Variants in STAU1 observed in about 807,000 individuals in gnomAD.
The protein encoded by STAU1 is staufen double-stranded RNA binding protein 1, also known as double-stranded RNA-binding protein Staufen homolog 1.
A neutral mutation model predicts 62.9 loss-of-function variants in STAU1; 13 were observed. The ratio of observed to expected loss-of-function variants is 0.21; its 90% confidence interval spans 0.13 to 0.33. The LOEUF is 0.33. Among genes scored for constraint, STAU1 ranks in the 10% least tolerant of loss-of-function variants. The pLI is 1.00. For missense variants in STAU1, 571 were observed against 712.1 expected (o/e 0.80, Z 2.25); for synonymous variants, 269 against 265.1 (o/e 1.01, Z -0.14).
At chr20:49,183,427 G>T (rs367545372) in intron 1 of STAU1, among the ~76,000 whole-genome samples, 2 of 152,314 alleles carry the variant, frequency 1.3e-5, no homozygotes. Context: ...AGGCTGAGGT[G>T]GGAAGATGAC....
At chr20:49,122,343 C>A (rs1159881406) in intron 8 of STAU1, among the ~76,000 whole-genome samples, 3 of 152,206 alleles carry the variant, frequency 2.0e-5, no homozygotes, top group Admixed American at 6.5e-5. Flanking sequence ...ATACTACTTA[C>A]AAAATTTACC....
At chr20:49,170,068 C>A (rs983224138) in intron 2 of STAU1, among the ~76,000 whole-genome samples, 1 of 152,076 alleles carries the variant, frequency 6.6e-6, no homozygotes, top group Non-Finnish European at 1.5e-5. Flanking sequence ...GGCACATGAG[C>A]GCTACGAAAG....
At chr20:49,172,914 G>T (rs2093615124) in intron 2 of STAU1, among the ~76,000 whole-genome samples, 2 of 150,682 alleles carry the variant, frequency 1.3e-5, no homozygotes, top group South Asian at 4.2e-4. Context: ...GTCTCGCTGT[G>T]TTGCCCAGGC....
At chr20:49,150,401 CCT>C (rs2093223340) in intron 5 of STAU1, among the ~76,000 whole-genome samples, 1 of 151,558 alleles carries the variant, frequency 6.6e-6, no homozygotes, top group Non-Finnish European at 1.5e-5. Context: ...TCGCTCTGTC[CCT>C]GAGGCTGGAG....
the STAU1 span, among the ~76,000 whole-genome samples, chr20:49,195,910 A>AG: frequency 2.2e-4 from 20 of 91,008 alleles, no homozygotes; most frequent in African/African-American, 5.7e-4. Context: ...AAAAAAAAAA[A>AG]AAAAAAAGAA....
chr20:49,142,468 G>A (rs769035329), intron 5 of STAU1, among the ~76,000 whole-genome samples: 5 of 152,050 alleles, frequency 3.3e-5, no homozygotes, highest in African/African-American at 1.2e-4. Context: ...AAGGTTCCAC[G>A]TAAGACTGAT....
chr20:49,217,693 A>ATATATATT, the STAU1 span, among the ~76,000 whole-genome samples: 2 of 143,884 alleles, frequency 1.4e-5, no homozygotes, highest in Non-Finnish European at 3.0e-5. Context: ...ATATATATAT[A>ATATATATT]TTTTTAGGCC....
At chr20:49,195,535 C>CACA in the STAU1 span, among the ~76,000 whole-genome samples, 1 of 38,146 alleles carries the variant, frequency 2.6e-5, no homozygotes, top group Non-Finnish European at 3.9e-5. Context: ...GACTCCGTCT[C>CACA]AAAAAAAAAA....
intron 2 of STAU1, among the ~76,000 whole-genome samples, chr20:49,169,358 A>C (rs1421336761): frequency 6.6e-6 from 1 of 152,196 alleles, no homozygotes. Flanking sequence ...CACATAACTC[A>C]AGGAACAAAT....
chr20:49,145,317 G>C lies in STAU1; in HGVS notation c.510+6265C>G, dbSNP rs567933744. ...CACGCACCTGTAGTCCCAGCTACTT[G>C]GGAGGCTGAGGCAGAAGAATTGCTT... On this transcript the variant is annotated intron_variant, in intron 5 of 13. Transcript: ENST00000371856. Among the ~76,000 whole-genome samples the C allele has an allele frequency of 1.6e-3, 242 of 149,186 alleles. 1 individual carries two copies. Among genetic ancestry groups the C allele is most frequent in the African/African-American group, 5.2e-3 (211 of 40,694 alleles).
At chr20:49,126,743 C>T (rs1600641822) in intron 6 of STAU1, among the ~76,000 whole-genome samples, 1 of 151,804 alleles carries the variant, frequency 6.6e-6, no homozygotes, top group South Asian at 2.1e-4. Context: ...ATCAACAGAA[C>T]AGCACGAAAA....
At chr20:49,160,254 G>A (rs543441771) in intron 3 of STAU1, among the ~76,000 whole-genome samples, 1 of 152,318 alleles carries the variant, frequency 6.6e-6, no homozygotes, top group South Asian at 2.1e-4. Flanking sequence ...ATTATGCTAC[G>A]GTGACTATTC....
intron 5 of STAU1, among the ~76,000 whole-genome samples, chr20:49,148,140 G>A (rs1196594456): frequency 1.3e-5 from 2 of 152,126 alleles, no homozygotes; most frequent in East Asian, 1.9e-4. Flanking sequence ...GCACATTTAC[G>A]AAAGAGGCCA....
At chr20:49,207,584 C>T in the STAU1 span, among the ~76,000 whole-genome samples, 4 of 151,816 alleles carry the variant, frequency 2.6e-5, no homozygotes, top group East Asian at 1.9e-4. Context: ...GGTGTGATCT[C>T]GGCTCACTGC....
chr20:49,121,364 C>T, intron 8 of STAU1, among the ~76,000 whole-genome samples: 1 of 152,136 alleles, frequency 6.6e-6, no homozygotes. Context: ...GCCGAGATCA[C>T]ACCACTGCCC....
the STAU1 span, among the ~76,000 whole-genome samples, chr20:49,201,710 C>T: frequency 1.4e-5 from 2 of 145,652 alleles, no homozygotes; most frequent in African/African-American, 5.1e-5. Context: ...CCACTGCACT[C>T]CAGCCTGGGT....
At position 49,123,169 on chromosome 20, in the gene STAU1, C is replaced by G. The variant is rs762449976; in HGVS notation, c.889G>C (p.Ala297Pro). Residue 297 changes from alanine (A) to proline (P), a missense_variant, in exon 8 of 14, where the codon GCA (alanine) becomes CCA (proline). Coordinates refer to ENST00000371856, the MANE Select transcript of STAU1 (RefSeq NM_017453.4). ...TACTCTGGCTCCTTCTCCTTTTTTG[C>G]CTGCTGGATCTGGGCCAGTCGGCTA... is the stretch of plus-strand genomic sequence containing the variant. ...PISRLAQIQQ[A>P]KKEKEPEYTL... The G allele has an allele frequency of 6.2e-7, 1 of 1,613,572 alleles. No individual in the cohort carries two copies. Among genetic ancestry groups the G allele is most frequent in the Non-Finnish European group, 8.5e-7 (1 of 1,179,886 alleles).
At chr20:49,195,996 T>C in the STAU1 span, among the ~76,000 whole-genome samples, 1 of 148,930 alleles carries the variant, frequency 6.7e-6, no homozygotes, top group African/African-American at 2.5e-5. Context: ...CCTGGCACTT[T>C]GGGAGGCCGA....
intron 5 of STAU1, among the ~76,000 whole-genome samples, chr20:49,151,306 TCA>T (rs1219825061): frequency 6.6e-6 from 1 of 152,112 alleles, no homozygotes; most frequent in African/African-American, 2.4e-5. Flanking sequence ...CTCAACTGAA[TCA>T]CAAACTTTCT....
Sources: gnomAD v4.1 joint callset for allele counts (sites outside exome capture counted in the v4.1 genomes callset) on GRCh38, gnomAD v4.1.1 for gene constraint, MANE v1.5 for transcripts, NCBI Gene and HGNC (gene_info 2026-07-23, HGNC 2026-07-21) for gene names.